NEDD9: variants seen among roughly 807,000 people sequenced by gnomAD.
NEDD9 encodes the protein enhancer of filamentation 1.
Under a neutral mutation model 76.6 loss-of-function variants are expected in NEDD9, and 26 were observed. That is an observed-to-expected ratio of 0.34 (90% CI 0.25 to 0.47). The LOEUF (loss-of-function observed/expected upper bound fraction) is 0.47. Among genes scored for constraint, NEDD9 ranks in the 20% least tolerant of loss-of-function variants. NEDD9 has a pLI of 1.00. For missense variants in NEDD9, 937 were observed against 1,058.5 expected, an observed-to-expected ratio of 0.89 and a Z score of 1.59; for synonymous variants, 392 against 414.2, an observed-to-expected ratio of 0.95 and a Z score of 0.65.
chr6:11,236,846 C>A (rs1759613536), upstream of NEDD9, among the ~76,000 whole-genome samples: 1 of 152,086 alleles, frequency 6.6e-6, no homozygotes, highest in Non-Finnish European at 1.5e-5. This position sits in a 1 kb window ranked among gnomAD's most constrained non-coding sequence, Gnocchi z 5.5. Flanking sequence ...AATGGCTTAA[C>A]AAGCAAAATC....
chr6:11,263,253 A>G (rs1401896947), intron 3 of NEDD9, among the ~76,000 whole-genome samples: 2 of 152,228 alleles, frequency 1.3e-5, no homozygotes, highest in Non-Finnish European at 2.9e-5. Context: ...TTCTGATTAA[A>G]TGTGAAACAA....
chr6:11,270,656 C>T (rs1421522777), intron 3 of NEDD9, among the ~76,000 whole-genome samples: 2 of 152,202 alleles, frequency 1.3e-5, no homozygotes, highest in Admixed American at 6.5e-5. Flanking sequence ...TGGCAAAACC[C>T]TAGAAAGCAG....
At chr6:11,303,581 A>T (rs1046446724) in intron 3 of NEDD9, among the ~76,000 whole-genome samples, 6 of 152,222 alleles carry the variant, frequency 3.9e-5, no homozygotes, top group East Asian at 3.8e-4. Flanking sequence ...TAGAGTAACC[A>T]AAACAGCATG....
upstream of NEDD9, among the ~76,000 whole-genome samples, chr6:11,232,979 C>G (rs116211653): frequency 8.8e-3 from 1,331 of 152,018 alleles, 23 homozygotes; most frequent in African/African-American, 0.031. Context: ...AAACTGAATT[C>G]ACAAAAGCAG....
chr6:11,222,664 G>A (rs1033475956), intron 1 of NEDD9, among the ~76,000 whole-genome samples: 1 of 152,250 alleles, frequency 6.6e-6, no homozygotes, highest in Non-Finnish European at 1.5e-5. Context: ...ATATTGTAGA[G>A]AGAGAAGCCA....
At chr6:11,336,031 C>T (rs529645668) in intron 1 of NEDD9, among the ~76,000 whole-genome samples, 4 of 152,184 alleles carry the variant, frequency 2.6e-5, no homozygotes, top group African/African-American at 4.8e-5. Context: ...TGGGCTCCCC[C>T]GCTTGAGACA....
chr6:11,313,502 G>T (rs1761444195), intron 2 of NEDD9, among the ~76,000 whole-genome samples: 1 of 130,834 alleles, frequency 7.6e-6, no homozygotes. Flanking sequence ...GATGGCAGAT[G>T]AATGAATAGA....
Position 11,354,229 on chromosome 6 carries a change from C to T in NEDD9, c.-213-19668G>A, listed in dbSNP as rs549456673. On this transcript the variant is annotated intron_variant, in intron 1 of 3. Transcript: ENST00000397378. ...GGCTATTTATTCTTTGTGTACAGGA[C>T]GCATTGAAGAAAGTACTGAGTCCCA... 2.5e-3 allele frequency among the ~76,000 whole-genome samples: 388 copies of T among 152,254 alleles called. 1 individual carries two copies. The highest frequency in any genetic ancestry group is 4.4e-3 in the Non-Finnish European group (300 of 68,024).
intron 3 of NEDD9, among the ~76,000 whole-genome samples, chr6:11,244,137 C>T (rs1278094121): frequency 1.3e-5 from 2 of 152,170 alleles, no homozygotes; most frequent in Non-Finnish European, 2.9e-5. Flanking sequence ...GTTCCACCAG[C>T]CTTCAGACTC....
intron 1 of NEDD9, among the ~76,000 whole-genome samples, chr6:11,355,191 A>C (rs972970154): frequency 6.6e-6 from 1 of 152,210 alleles, no homozygotes; most frequent in South Asian, 2.1e-4. Context: ...ACACAGGAAT[A>C]GTCCAGAGTA....
At chr6:11,287,647 C>G (rs1219472468) in intron 3 of NEDD9, among the ~76,000 whole-genome samples, 2 of 152,180 alleles carry the variant, frequency 1.3e-5, no homozygotes, top group South Asian at 2.1e-4. Flanking sequence ...CCTCTACGTA[C>G]TTTTCCTACA....
chr6:11,262,238 A>G (rs1370729918), intron 3 of NEDD9, among the ~76,000 whole-genome samples: 1 of 152,208 alleles, frequency 6.6e-6, no homozygotes. Context: ...CAGAGGAGGA[A>G]ATTAGCAAGA....
intron 3 of NEDD9, among the ~76,000 whole-genome samples, chr6:11,238,266 T>C (rs1759647639): frequency 6.6e-6 from 1 of 152,252 alleles, no homozygotes; most frequent in Non-Finnish European, 1.5e-5. Flanking sequence ...TTCTACAGCA[T>C]GCGCCAACTT....
At chr6:11,261,496 AATTC>A (rs1384036981) in intron 3 of NEDD9, among the ~76,000 whole-genome samples, 1 of 152,216 alleles carries the variant, frequency 6.6e-6, no homozygotes, top group African/African-American at 2.4e-5. Flanking sequence ...TTTATGTTTC[AATTC>A]ATTCATTCAA....
At chr6:11,297,357 T>C (rs1320888315) in intron 3 of NEDD9, among the ~76,000 whole-genome samples, 1 of 152,214 alleles carries the variant, frequency 6.6e-6, no homozygotes, top group Non-Finnish European at 1.5e-5. Flanking sequence ...CTGATATTAG[T>C]GCAGTTCCCT....
intron 3 of NEDD9, among the ~76,000 whole-genome samples, chr6:11,265,742 T>G (rs1451928708): frequency 6.6e-6 from 1 of 152,214 alleles, no homozygotes; most frequent in African/African-American, 2.4e-5. Context: ...TACATGTTTA[T>G]CACAGCACTA....
chr6:11,308,439 G>A (rs977337560), intron 2 of NEDD9, among the ~76,000 whole-genome samples: 2 of 138,010 alleles, frequency 1.4e-5, no homozygotes, highest in Non-Finnish European at 1.5e-5. Context: ...GCGCAATCTC[G>A]GCTCACTGCA....
intron 1 of NEDD9, among the ~76,000 whole-genome samples, chr6:11,218,573 A>G (rs1759045184): frequency 6.6e-6 from 1 of 152,126 alleles, no homozygotes; most frequent in East Asian, 1.9e-4. Context: ...TTCCTTTTGC[A>G]TTTCCAGAAC....
At chr6:11,343,703 T>A (rs1028938491) in intron 1 of NEDD9, among the ~76,000 whole-genome samples, 2 of 152,250 alleles carry the variant, frequency 1.3e-5, no homozygotes, top group Admixed American at 6.5e-5. Context: ...AATATATGAA[T>A]GAATGAATTT....
Sources: gnomAD v4.1 joint callset for allele counts (sites outside exome capture counted in the v4.1 genomes callset) on GRCh38, gnomAD v4.1.1 for gene constraint, Gnocchi (gnomAD v3.1) non-coding constraint, MANE v1.5 for transcripts, NCBI Gene and HGNC (gene_info 2026-07-23, HGNC 2026-07-21) for gene names.